Variants in STAU1 observed in about 807,000 individuals in gnomAD.
The protein encoded by STAU1 is staufen double-stranded RNA binding protein 1.
STAU1 carries 13 observed loss-of-function variants against 62.9 expected under a neutral mutation model. The ratio of observed to expected loss-of-function variants is 0.21; its 90% confidence interval spans 0.13 to 0.33. STAU1 has a LOEUF of 0.33. Ranked by LOEUF, STAU1 falls within the 10% of genes least tolerant of loss-of-function variation. STAU1 has a pLI of 1.00. For missense variants in STAU1, 571 were observed against 712.1 expected, an observed-to-expected ratio of 0.80 and a Z score of 2.25; for synonymous variants, 269 against 265.1, an observed-to-expected ratio of 1.01 and a Z score of -0.14.
the STAU1 span, among the ~76,000 whole-genome samples, chr20:49,213,207 G>T: frequency 6.6e-6 from 1 of 151,508 alleles, no homozygotes; most frequent in Non-Finnish European, 1.5e-5. Context: ...AGCAATGGGG[G>T]TCTCACTATG....
At chr20:49,144,313 G>A (rs967778680) in intron 5 of STAU1, among the ~76,000 whole-genome samples, 4 of 151,598 alleles carry the variant, frequency 2.6e-5, no homozygotes, top group Admixed American at 6.6e-5. Context: ...ATGCAAACAG[G>A]ATGGGAGAGG....
chr20:49,177,862 C>T (rs2093679113), intron 1 of STAU1, among the ~76,000 whole-genome samples: 1 of 152,080 alleles, frequency 6.6e-6, no homozygotes, highest in Non-Finnish European at 1.5e-5. Flanking sequence ...TACTTTTACA[C>T]AGTGATAGCT....
Position 49,114,761 on chromosome 20 carries a change from T to C in STAU1, c.*117A>G, listed in dbSNP as rs1267662607. ...TCTTCCCTGCTGCTGCCCACATCCT[T>C]TACCCACCGTGTCTCTCGGCCCACT... On this transcript the variant is annotated 3_prime_UTR_variant, in exon 14 of 14. Coordinates refer to ENST00000371856, the MANE Select transcript of STAU1 (RefSeq NM_017453.4). 4 of 962,092 alleles carry C rather than the reference T, an allele frequency of 4.2e-6. No homozygotes were observed. The highest frequency in any genetic ancestry group is 6.5e-6 in the Non-Finnish European group (4 of 610,832). The allele number at this position is 962,092 out of a possible 1,614,324, so 59.6% of individuals were successfully genotyped here. A position where few individuals can be genotyped will look rare whatever the true frequency, so the allele number is the denominator to read the frequency against.
intron 5 of STAU1, among the ~76,000 whole-genome samples, chr20:49,147,724 A>G (rs1261562903): frequency 6.6e-6 from 1 of 152,250 alleles, no homozygotes; most frequent in Non-Finnish European, 1.5e-5. Flanking sequence ...TTGGAAAATA[A>G]AGCAGTGCAT....
chr20:49,130,153 C>T lies in STAU1; in HGVS notation c.610-5566G>A, dbSNP rs557572328. ...CTTGGTGATAAAAAGGAACAAACTA[C>T]TGAAACACACAACAGCATGAATAAT... On this transcript the variant is annotated intron_variant, in intron 6 of 13. Coordinates refer to ENST00000371856, the MANE Select transcript of STAU1 (RefSeq NM_017453.4). 3.3e-5 allele frequency among the ~76,000 whole-genome samples: 5 copies of T among 152,242 alleles called. No homozygotes were observed. In the South Asian group the frequency reaches 6.2e-4, roughly 19 times the overall value.
the STAU1 span, among the ~76,000 whole-genome samples, chr20:49,194,452 A>C: frequency 2.0e-5 from 3 of 150,712 alleles, no homozygotes; most frequent in Admixed American, 6.6e-5. Context: ...AAAAAAGAAA[A>C]GAAAAAGAAA....
chr20:49,182,707 C>T (rs916889362), intron 1 of STAU1, among the ~76,000 whole-genome samples: 32 of 151,980 alleles, frequency 2.1e-4, no homozygotes, highest in African/African-American at 4.8e-4. Context: ...GGCATGGTGG[C>T]GGGCACCTGT....
chr20:49,178,942 A>G (rs1226776310), intron 1 of STAU1, among the ~76,000 whole-genome samples: 1 of 147,538 alleles, frequency 6.8e-6, no homozygotes, highest in Non-Finnish European at 1.5e-5. Flanking sequence ...CTAGCTGGGC[A>G]TGGTGGCGGG....
At chr20:49,154,564 G>C (rs1026610403) in intron 3 of STAU1, among the ~76,000 whole-genome samples, 1 of 152,198 alleles carries the variant, frequency 6.6e-6, no homozygotes, top group Non-Finnish European at 1.5e-5. Flanking sequence ...ACTGTGCTAA[G>C]CTTAAGAAAC....
At chr20:49,184,528 CACAG>C (rs1205794638) in intron 1 of STAU1, among the ~76,000 whole-genome samples, 1 of 152,086 alleles carries the variant, frequency 6.6e-6, no homozygotes, top group Non-Finnish European at 1.5e-5. Flanking sequence ...GTGTAAACTC[CACAG>C]ACAGTTTTTT....
At chr20:49,126,587 A>ACAAAAAAAAAACAAAACAAAAC (rs2092624141) in intron 6 of STAU1, among the ~76,000 whole-genome samples, 7 of 62,482 alleles carry the variant, frequency 1.1e-4, no homozygotes, top group African/African-American at 5.2e-4. Flanking sequence ...AAAAAAAAAA[A>ACAAAAAAAAAACAAAACAAAAC]CAAAAAAAAA....
At chr20:49,152,267 T>C (rs2093265159) in intron 4 of STAU1, among the ~76,000 whole-genome samples, 2 of 151,176 alleles carry the variant, frequency 1.3e-5, no homozygotes, top group African/African-American at 2.4e-5. Flanking sequence ...CTTATATTTT[T>C]AAAATGACTA....
intron 5 of STAU1, among the ~76,000 whole-genome samples, chr20:49,144,252 C>T (rs761474564): frequency 6.6e-6 from 1 of 151,534 alleles, no homozygotes; most frequent in African/African-American, 2.4e-5. Context: ...ATGTTGGCGG[C>T]CAAACATAAA....
Position 49,117,152 on chromosome 20 carries a change from T to G in STAU1, c.1606A>C (p.Lys536Gln). The change falls in exon 12 of 14, where the codon AAG becomes CAG. Residue 536 changes from lysine (K) to glutamine (Q), a missense_variant. By Grantham distance (53) the Lys-to-Gln change is moderately conservative. Coordinates refer to ENST00000371856, the MANE Select transcript of STAU1 (RefSeq NM_017453.4). The surrounding 1 kb of genome is among the most constrained non-coding windows in gnomAD (Gnocchi z 4.6). ...QPPLISHGIG[K>Q]DVESCHDMAA... ...ATATCATGGCAGGACTCCACATCCT[T>G]GCCGATACCATGGCTGATCAGAGGT... 6.2e-7 allele frequency: 1 copy of G among 1,614,152 alleles called. No individual in the cohort carries two copies. The highest frequency in any genetic ancestry group is 8.5e-7 in the Non-Finnish European group (1 of 1,180,018).
chr20:49,158,967 T>A, intron 3 of STAU1: 1 of 1,301,644 alleles, frequency 7.7e-7, no homozygotes, highest in African/African-American at 1.5e-5. Context: ...CATCAGGACA[T>A]CAGGGGTCTC....
intron 6 of STAU1, among the ~76,000 whole-genome samples, chr20:49,125,198 C>CAAAAAAAAAAAAAAAAAAAAAA (rs1171534142): frequency 1.2e-4 from 4 of 33,716 alleles, no homozygotes; most frequent in Admixed American, 5.3e-4. Context: ...CTCATTTTTG[C>CAAAAAAAAAAAAAAAAAAAAAA]AAAAAAAAAA....
the STAU1 span, among the ~76,000 whole-genome samples, chr20:49,214,718 T>C: frequency 6.6e-6 from 1 of 152,188 alleles, no homozygotes; most frequent in East Asian, 1.9e-4. Context: ...AATTAGATCA[T>C]GCTTGTGAAG....
intron 6 of STAU1, among the ~76,000 whole-genome samples, chr20:49,127,736 G>A (rs2092662535): frequency 6.6e-6 from 1 of 152,004 alleles, no homozygotes; most frequent in African/African-American, 2.4e-5. Context: ...AAGGGGCCAG[G>A]CACATTGGCT....
chr20:49,134,803 G>A, intron 6 of STAU1: 1 of 1,318,096 alleles, frequency 7.6e-7, no homozygotes, highest in Non-Finnish European at 1.1e-6. Flanking sequence ...TTCCTGGAGA[G>A]CCTGGTTTTC....
Sources: allele counts gnomAD v4.1 joint callset (sites outside exome capture counted in the v4.1 genomes callset), GRCh38; gene constraint gnomAD v4.1.1; non-coding constraint Gnocchi (gnomAD v3.1); transcripts MANE v1.5; gene names NCBI Gene and HGNC (gene_info 2026-07-23, HGNC 2026-07-21).